NEK5: variants seen among roughly 807,000 people sequenced by gnomAD.
NEK5 encodes the protein serine/threonine-protein kinase Nek5.
NEK5 carries 88 observed loss-of-function variants against 109.2 expected under a neutral mutation model. The observed-to-expected ratio is 0.81, with a 90% CI of 0.68 to 0.96. NEK5 has a LOEUF of 0.96. Among genes scored for constraint, NEK5 ranks in the 40% least tolerant of loss-of-function variants. NEK5 has a pLI of 0.00. For synonymous variants in NEK5, 283 were observed against 299.9 expected (o/e 0.94, Z 0.58); for missense variants, 834 against 920.7 (o/e 0.91, Z 1.22).
At chr13:52,040,896 T>C (rs553086367) in intron 23 of NEK5, among the ~76,000 whole-genome samples, 19 of 152,312 alleles carry the variant, frequency 1.2e-4, no homozygotes, top group Middle Eastern at 3.4e-3. Context: ...GTCAAATCTA[T>C]GGTTATAAAT....
intron 4 of NEK5, among the ~76,000 whole-genome samples, chr13:52,115,298 G>A (rs533348246): frequency 6.6e-6 from 1 of 151,636 alleles, no homozygotes; most frequent in South Asian, 2.1e-4. Context: ...ACCGCGCCCG[G>A]CCGACAGAGA....
intron 19 of NEK5, among the ~76,000 whole-genome samples, chr13:52,073,575 A>G (rs1437339444): frequency 6.6e-6 from 1 of 152,062 alleles, no homozygotes; most frequent in African/African-American, 2.4e-5. Flanking sequence ...TCAGCCTCCC[A>G]AAGTGCTGGG....
At chr13:52,068,694 C>A (rs746385327) in intron 20 of NEK5, among the ~76,000 whole-genome samples, 1 of 152,146 alleles carries the variant, frequency 6.6e-6, no homozygotes, top group South Asian at 2.1e-4. Flanking sequence ...GTTGGCCAGG[C>A]GTGGTGGCTC....
chr13:52,055,247 G>T (rs1954543872), intron 22 of NEK5, among the ~76,000 whole-genome samples: 2 of 152,208 alleles, frequency 1.3e-5, no homozygotes, highest in South Asian at 4.1e-4. Flanking sequence ...GAAGTTTAGA[G>T]AAAAAAGAAT....
At chr13:52,089,403 T>C (rs748688784) in intron 13 of NEK5, 90 bp from the exon 14 acceptor site, 22 of 768,726 alleles carry the variant, frequency 2.9e-5, no homozygotes, top group Non-Finnish European at 4.6e-5. Flanking sequence ...AGTAATGAGA[T>C]TCACAATTCA....
rs1037050784 is a variant in NEK5 at position 52,054,679 on chromosome 13, G to A, written c.2111-4458C>T. Among the ~76,000 whole-genome samples, 277 of 152,336 alleles carry A rather than the reference G, an allele frequency of 1.8e-3. 2 individuals carry two copies. The highest frequency in any genetic ancestry group is 6.2e-3 in the African/African-American group (259 of 41,586). ...CAGCCTAACTGGGAGGCACCCCCCAGCAGGGGCAGACTGACACCTCACACG... is the reference window on the plus strand; with the variant it reads ...CAGCCTAACTGGGAGGCACCCCCCAACAGGGGCAGACTGACACCTCACACG... On this transcript the variant is annotated intron_variant, in intron 22 of 23. Coordinates refer to ENST00000684899, the MANE Select transcript of NEK5 (RefSeq NM_001365552.1).
chr13:52,125,317 A>T (rs1956043835), intron 3 of NEK5, among the ~76,000 whole-genome samples: 1 of 152,228 alleles, frequency 6.6e-6, no homozygotes, highest in Non-Finnish European at 1.5e-5. Flanking sequence ...TAATCCCAGC[A>T]CTTTGGGAGG....
At chr13:52,058,531 C>T (rs1335995335) in intron 22 of NEK5, among the ~76,000 whole-genome samples, 1 of 151,976 alleles carries the variant, frequency 6.6e-6, no homozygotes, top group African/African-American at 2.4e-5. Context: ...CTGGAGGCAT[C>T]ACACTACCTG....
chr13:52,039,128 T>C (rs573154100), intron 23 of NEK5, among the ~76,000 whole-genome samples: 27 of 152,054 alleles, frequency 1.8e-4, no homozygotes, highest in African/African-American at 5.5e-4. Context: ...AAAAAGAAGA[T>C]AGGGAGAGAG....
intron 3 of NEK5, among the ~76,000 whole-genome samples, chr13:52,125,981 T>A (rs1291511124): frequency 6.6e-6 from 1 of 152,230 alleles, no homozygotes; most frequent in Non-Finnish European, 1.5e-5. Context: ...TAGGTTTTCT[T>A]GCAATTTTTT....
intron 16 of NEK5, 137 bp from the exon 17 acceptor site, chr13:52,083,489 T>G: frequency 1.6e-6 from 1 of 611,080 alleles, no homozygotes. Context: ...ACAGCTTCAG[T>G]ATTTCCCAAA....
At chr13:52,079,452 G>A (rs1169378822) in intron 17 of NEK5, among the ~76,000 whole-genome samples, 1 of 152,214 alleles carries the variant, frequency 6.6e-6, no homozygotes, top group Non-Finnish European at 1.5e-5. Flanking sequence ...GGGGCGCACC[G>A]CCACGCCTGA....
chr13:52,076,986 G>A (rs1302411380), intron 17 of NEK5, among the ~76,000 whole-genome samples: 2 of 152,182 alleles, frequency 1.3e-5, no homozygotes, highest in Non-Finnish European at 2.9e-5. Flanking sequence ...GTGCTATCAA[G>A]GGAACAAAAT....
chr13:52,055,083 C>A (rs1251318983), intron 22 of NEK5, among the ~76,000 whole-genome samples: 17 of 151,878 alleles, frequency 1.1e-4, no homozygotes, highest in Non-Finnish European at 1.5e-5. Flanking sequence ...ACTAGAATAA[C>A]CAATACAGAG....
intron 23 of NEK5, among the ~76,000 whole-genome samples, chr13:52,042,981 T>A (rs1040460893): frequency 1.3e-5 from 2 of 151,942 alleles, no homozygotes; most frequent in Non-Finnish European, 2.9e-5. Context: ...TAAAAGACAT[T>A]TTCACATGAC....
chr13:52,042,610 A>C (rs1052987158), intron 23 of NEK5, among the ~76,000 whole-genome samples: 4 of 151,828 alleles, frequency 2.6e-5, no homozygotes, highest in African/African-American at 9.7e-5. Context: ...ATAATAAAAA[A>C]GCTTTTTAAG....
Position 52,050,077 on chromosome 13 carries a change from T to C in NEK5, c.2228+27A>G, listed in dbSNP as rs888346308. On this transcript the variant is annotated intron_variant, in intron 23 of 23. Coordinates refer to ENST00000684899, the MANE Select transcript of NEK5 (RefSeq NM_001365552.1). ...TTTTCACTTTGTACCAGTGCTCGAC[T>C]TAGGTATCGGCAAATGATCTACTTA... The C allele has an allele frequency of 8.1e-6, 7 of 861,260 alleles. No homozygotes were observed. The African/African-American group carries it at 1.3e-4, about 16-fold the overall frequency. 53.4% of individuals were successfully genotyped at this position (861,260 alleles called of 1,614,324 possible). A position where few individuals can be genotyped will look rare whatever the true frequency, so the allele number is the denominator to read the frequency against.
intron 5 of NEK5, among the ~76,000 whole-genome samples, 166 bp from the exon 6 acceptor site, chr13:52,110,743 T>C (rs1423475175): frequency 1.3e-5 from 2 of 152,124 alleles, no homozygotes; most frequent in Non-Finnish European, 2.9e-5. Context: ...CACTTTATCA[T>C]ATTATTATTT....
At chr13:52,107,726 C>T (rs1033844365) in intron 8 of NEK5, among the ~76,000 whole-genome samples, 1 of 151,860 alleles carries the variant, frequency 6.6e-6, no homozygotes, top group South Asian at 2.1e-4. Context: ...TAACAAGGAG[C>T]CTTTTAAGAT....
Sources: allele counts gnomAD v4.1 joint callset (sites outside exome capture counted in the v4.1 genomes callset), GRCh38; gene constraint gnomAD v4.1.1; transcripts MANE v1.5; gene names NCBI Gene and HGNC (gene_info 2026-07-23, HGNC 2026-07-21).